Variants in ARHGEF40 observed in about 807,000 individuals in gnomAD.
ARHGEF40 encodes Rho guanine nucleotide exchange factor 40.
Under a neutral mutation model 165.9 loss-of-function variants are expected in ARHGEF40, and 98 were observed. That is an observed-to-expected ratio of 0.59 (90% CI 0.50 to 0.70). ARHGEF40 has a LOEUF of 0.70. Among genes scored for constraint, ARHGEF40 ranks in the 30% least tolerant of loss-of-function variants. The pLI, the probability that ARHGEF40 is intolerant of heterozygous loss-of-function variation, is 0.00. For missense variants in ARHGEF40, 1,815 were observed against 1,968.0 expected (o/e 0.92, Z 1.47); for synonymous variants, 792 against 814.3 (o/e 0.97, Z 0.47).
Position 21,081,783 on chromosome 14 carries a change from G to T in ARHGEF40, c.2915G>T (p.Gly972Val). The T allele has an allele frequency of 6.3e-7, 1 of 1,596,254 alleles. No homozygotes were observed. The highest frequency in any genetic ancestry group is 8.5e-7 in the Non-Finnish European group (1 of 1,172,510). ...GGCTACCGACGACGGCGGGCAGACG[G>T]TGCCAGCAGTGGAGGGGCCCAGTGG... ...PRGYRRRRAD[G>V]ASSGGAQWGP... The change falls in exon 14 of 24, where the codon GGT (glycine) becomes GTT (valine). Residue 972 changes from glycine (G) to valine (V), a missense_variant. Physicochemically the swap from Gly to Val is moderately radical, Grantham distance 109. Transcript: ENST00000298694.
the ARHGEF40 span, among the ~76,000 whole-genome samples, chr14:21,063,364 T>C: frequency 6.6e-6 from 1 of 152,174 alleles, no homozygotes; most frequent in Non-Finnish European, 1.5e-5. Flanking sequence ...GAAGTGCAAA[T>C]ATCTATTGGC....
At position 21,085,718 on chromosome 14, in the gene ARHGEF40, C is replaced by A. The variant is rs200015481; in HGVS notation, c.3990C>A (p.Ile1330=). The change falls in exon 19 of 24, where the codon ATC becomes ATA. Residue 1330 remains isoleucine, a synonymous_variant. Coordinates refer to ENST00000298694, the MANE Select transcript of ARHGEF40 (RefSeq NM_018071.5). ...KTADMGLTEN[I]GDSGLCFELW... is the part of the protein sequence containing the mutation. Reference sequence around the variant, plus strand: ...CTGATATGGGGCTGACAGAAAACATCGGGGACAGCGGACTCTGCTTTGAGT... The same window carrying A: ...CTGATATGGGGCTGACAGAAAACATAGGGGACAGCGGACTCTGCTTTGAGT... 1.8e-5 allele frequency: 29 copies of A among 1,613,968 alleles called. No individual in the cohort carries two copies. The South Asian group carries it at 2.5e-4, about 14-fold the overall frequency.
intron 16 of ARHGEF40, among the ~76,000 whole-genome samples, 195 bp from the exon 17 acceptor site, chr14:21,083,640 T>C (rs1187981991): frequency 6.6e-6 from 1 of 152,236 alleles, no homozygotes; most frequent in African/African-American, 2.4e-5. Flanking sequence ...CTTCAAGATA[T>C]AGACAGTGAT....
Position 21,075,618 on chromosome 14 carries a change from G to T in ARHGEF40, c.1619-27G>T. On this transcript the variant is annotated intron_variant, in intron 4 of 23. Transcript: ENST00000298694. The surrounding 1 kb of genome is among the most constrained non-coding windows in gnomAD (Gnocchi z 4.5). ...GTAGGCATGGACTGCTCCCAGCCAG[G>T]ACAGCCTGGCCATTTTGTGTCTTCA... 1 of 1,614,024 alleles carries T rather than the reference G, an allele frequency of 6.2e-7. No homozygotes were observed. Among genetic ancestry groups the T allele is most frequent in the Middle Eastern group, 1.7e-4 (1 of 6,058 alleles).
Position 21,075,448 on chromosome 14 carries a change from C to T in ARHGEF40, c.1567C>T (p.His523Tyr), listed in dbSNP as rs1316065376. The stretch of plus-strand genomic sequence containing the variant: ...GGCCCTTGCAGTCTCCGTCTCTGAT[C>T]ACCCTGATGTAGCTTGGGACTTGAT... The part of the protein sequence containing the change: ...EEALAVSVSD[H>Y]PDVAWDLMAS... Residue 523 changes from histidine (H) to tyrosine (Y), a missense_variant, in exon 4 of 24, where the codon CAC (histidine) becomes TAC (tyrosine). Transcript: ENST00000298694. The surrounding 1 kb of genome is among the most constrained non-coding windows in gnomAD (Gnocchi z 4.5). 1 of 1,614,112 alleles carries T rather than the reference C, an allele frequency of 6.2e-7. No individual in the cohort carries two copies. Among genetic ancestry groups the T allele is most frequent in the Non-Finnish European group, 8.5e-7 (1 of 1,180,058 alleles).
intron 11 of ARHGEF40, among the ~76,000 whole-genome samples, chr14:21,080,198 G>A (rs1202330779): frequency 1.1e-5 from 1 of 88,922 alleles, no homozygotes; most frequent in Admixed American, 1.5e-4. Flanking sequence ...AATTAAAGCC[G>A]GACACACACA....
the ARHGEF40 span, among the ~76,000 whole-genome samples, chr14:21,063,674 C>A: frequency 0.3 from 46,278 of 152,052 alleles, 8,781 homozygotes; most frequent in African/African-American, 0.54. Flanking sequence ...TGCTGGGGGT[C>A]TGCCAATGAG....
At position 21,078,226 on chromosome 14, in the gene ARHGEF40, G is replaced by A. The variant is rs752288274; in HGVS notation, c.2084G>A (p.Arg695Gln). The change falls in exon 9 of 24, where the codon CGG (arginine) becomes CAG (glutamine). Residue 695 changes from arginine to glutamine, a missense_variant. By Grantham distance (43) the Arg-to-Gln change is conservative. Coordinates refer to ENST00000298694, the MANE Select transcript of ARHGEF40 (RefSeq NM_018071.5). ...TGCCAAGGTGTGCTGGGCTCGGTAC[G>A]GCAGGCCATTGAGGAGCTGGAGGGA... ...RLCQGVLGSV[R>Q]QAIEELEGAA... 4.3e-6 allele frequency: 7 copies of A among 1,613,972 alleles called. No homozygotes were observed. Among genetic ancestry groups the A allele is most frequent in the Admixed American group, 1.7e-5 (1 of 59,988 alleles).
Position 21,087,338 on chromosome 14 carries a change from C to CCGTGG in ARHGEF40, c.4264_4268dup (p.Val1424TrpfsTer80), listed in dbSNP as rs1888430672. 1 of 1,606,416 alleles carries CCGTGG rather than the reference C, an allele frequency of 6.2e-7. No individual in the cohort carries two copies. The highest frequency in any genetic ancestry group is 1.3e-5 in the African/African-American group (1 of 74,942). On this transcript the variant is annotated frameshift_variant, in exon 21 of 24. Coordinates refer to ENST00000298694, the MANE Select transcript of ARHGEF40 (RefSeq NM_018071.5). LOFTEE classifies it high-confidence loss of function. Reference sequence around the variant, plus strand: ...TCTGCAGCCGCCCGCACCCGGGCCTCCGTGGCCGTGTCATCCTTTGAGCAT... The same window carrying CCGTGG: ...TCTGCAGCCGCCCGCACCCGGGCCTCCGTGGCGTGGCCGTGTCATCCTTTGAGCAT...
Position 21,087,385 on chromosome 14 carries a change from C to T in ARHGEF40, c.4309C>T (p.Leu1437Phe), listed in dbSNP as rs369244074. ...FEHAGPSLPG[L>F]SPGACSLPAR... ...GCATGCCGGCCCCTCCCTTCCCGGC[C>T]TTTCGCCGGGAGCCTGCTCCCTGCC... The change falls in exon 21 of 24, where the codon CTT (leucine) becomes TTT (phenylalanine). Residue 1437 changes from leucine (L) to phenylalanine (F), a missense_variant. Coordinates refer to ENST00000298694, the MANE Select transcript of ARHGEF40 (RefSeq NM_018071.5). 145 of 1,603,666 alleles carry T rather than the reference C, an allele frequency of 9.0e-5. No homozygotes were observed. The highest frequency in any genetic ancestry group is 1.1e-4 in the Non-Finnish European group (131 of 1,179,886).
Position 21,070,754 on chromosome 14 carries a change from CGCGGGAGACCCCT to C in ARHGEF40, c.3+361_3+373del. ...CCCCTCCTGGTCCGAGCTCCTTACC[CGCGGGAGACCCCT>C]GCGGGTTGGTCCTGCAGCGACCCTG... On this transcript the variant is annotated intron_variant, in intron 1 of 23. Transcript: ENST00000298694. The surrounding 1 kb of genome is among the most constrained non-coding windows in gnomAD (Gnocchi z 4.7). 6.7e-7 allele frequency: 1 copy of C among 1,492,716 alleles called. No homozygotes were observed. Among genetic ancestry groups the C allele is most frequent in the South Asian group, 1.2e-5 (1 of 83,034 alleles). 92.5% of individuals were successfully genotyped at this position (1,492,716 alleles called of 1,614,324 possible).
In ARHGEF40 at chr14:21,073,035, A is replaced by C. The variant is rs761219833; in HGVS notation, c.4-10A>C. ...CTCTAGGGATCTGTAGCCTGGTCCT[A>C]TCTCTACAGGAGCCTGAGCCAGTGG... On this transcript the variant is annotated splice_polypyrimidine_tract_variant and intron_variant, in intron 1 of 23. Transcript: ENST00000298694. This position sits in a 1 kb window ranked among gnomAD's most constrained non-coding sequence, Gnocchi z 4.6. 5.0e-6 allele frequency: 8 copies of C among 1,612,114 alleles called. No homozygotes were observed. Among genetic ancestry groups the C allele is most frequent in the Non-Finnish European group, 6.8e-6 (8 of 1,178,442 alleles).
Position 21,073,376 on chromosome 14 carries a change from T to C in ARHGEF40, c.201+134T>C. On this transcript the variant is annotated intron_variant, in intron 2 of 23. Coordinates refer to ENST00000298694, the MANE Select transcript of ARHGEF40 (RefSeq NM_018071.5). This position sits in a 1 kb window ranked among gnomAD's most constrained non-coding sequence, Gnocchi z 4.6. ...TGAAACCGATCTCTCCAGAATCACTTAAGCTTCATTCTCTGACCTCTCACA... is the reference window on the plus strand; with the variant it reads ...TGAAACCGATCTCTCCAGAATCACTCAAGCTTCATTCTCTGACCTCTCACA... The C allele has an allele frequency of 8.7e-6, 9 of 1,034,394 alleles. No homozygotes were observed. The highest frequency in any genetic ancestry group is 1.2e-5 in the Non-Finnish European group (9 of 722,966). The allele number at this position is 1,034,394 out of a possible 1,614,324, so 64.1% of individuals were successfully genotyped here.
upstream of ARHGEF40, among the ~76,000 whole-genome samples, chr14:21,069,563 C>A (rs1011167184): frequency 1.3e-5 from 2 of 152,224 alleles, no homozygotes; most frequent in Admixed American, 1.3e-4. Context: ...ATCCGGGAAC[C>A]CTGCCCCCTT....
chr14:21,070,725 C>T lies in ARHGEF40; in HGVS notation c.3+326C>T. The T allele has an allele frequency of 1.5e-6, 2 of 1,311,720 alleles. No individual in the cohort carries two copies. The highest frequency in any genetic ancestry group is 5.1e-5 in the East Asian group (2 of 39,584). 81.3% of individuals were successfully genotyped at this position (1,311,720 alleles called of 1,614,324 possible). ...CTGTGCCTTCCTTTCCTGGAGCTTC[C>T]CTCCCCCTCCTGGTCCGAGCTCCTT... On this transcript the variant is annotated intron_variant, in intron 1 of 23. Coordinates refer to ENST00000298694, the MANE Select transcript of ARHGEF40 (RefSeq NM_018071.5). The surrounding 1 kb of genome is among the most constrained non-coding windows in gnomAD (Gnocchi z 4.7).
At chr14:21,066,045 G>C (rs1275763930), upstream of ARHGEF40, among the ~76,000 whole-genome samples, 1 of 152,150 alleles carries the variant, frequency 6.6e-6, no homozygotes. Flanking sequence ...GTTGCAGTGA[G>C]TCCAGATTGC....
chr14:21,073,124 T>C lies in ARHGEF40; in HGVS notation c.83T>C (p.Leu28Pro). ...YPPFEATAPT[L>P]LGQVFQVVER... ...CCCTTTGAGGCAACAGCCCCCACCC[T>C]GTTGGGCCAGGTGTTCCAGGTGGTG... The change falls in exon 2 of 24, where the codon CTG (leucine) becomes CCG (proline). Residue 28 changes from leucine to proline, a missense_variant. Coordinates refer to ENST00000298694, the MANE Select transcript of ARHGEF40 (RefSeq NM_018071.5). The surrounding 1 kb of genome is among the most constrained non-coding windows in gnomAD (Gnocchi z 4.6). 3 of 1,614,128 alleles carry C rather than the reference T, an allele frequency of 1.9e-6. No homozygotes were observed. Among genetic ancestry groups the C allele is most frequent in the Non-Finnish European group, 2.5e-6 (3 of 1,180,000 alleles).
Position 21,081,594 on chromosome 14 carries a change from G to A in ARHGEF40, c.2726G>A (p.Arg909Gln), listed in dbSNP as rs373963892. 61 of 1,611,596 alleles carry A rather than the reference G, an allele frequency of 3.8e-5. No homozygotes were observed. Among genetic ancestry groups the A allele is most frequent in the African/African-American group, 3.6e-4 (27 of 75,000 alleles). Reference sequence around the variant, plus strand: ...GCTGTGCTGGCTGCACTGGCCCTGCGGCGGGCCCCAGAGCCCAGTGCCGGC... The same window carrying A: ...GCTGTGCTGGCTGCACTGGCCCTGCAGCGGGCCCCAGAGCCCAGTGCCGGC... ...REAVLAALAL[R>Q]RAPEPSAGTF... The change falls in exon 14 of 24, where the codon CGG becomes CAG. Residue 909 changes from arginine (R) to glutamine (Q), a missense_variant. Arg to Gln is a conservative substitution (Grantham distance 43). Transcript: ENST00000298694.
intron 17 of ARHGEF40, among the ~76,000 whole-genome samples, chr14:21,084,479 G>A (rs1305385756): frequency 6.6e-6 from 1 of 152,122 alleles, no homozygotes; most frequent in Non-Finnish European, 1.5e-5. Context: ...TTCTCTTCCT[G>A]GATCCCCAGC....
Sources: allele counts gnomAD v4.1 joint callset (sites outside exome capture counted in the v4.1 genomes callset), GRCh38; gene constraint gnomAD v4.1.1; non-coding constraint Gnocchi (gnomAD v3.1); transcripts MANE v1.5; gene names NCBI Gene and HGNC (gene_info 2026-07-23, HGNC 2026-07-21).